The following BABAM2 variants were observed in gnomAD, a reference collection of about 807,000 sequenced individuals.
BABAM2 encodes the protein BRISC and BRCA1-A complex member 2.
A neutral mutation model predicts 54.7 loss-of-function variants in BABAM2; 31 were observed. The ratio of observed to expected loss-of-function variants is 0.57; its 90% confidence interval spans 0.43 to 0.77. The LOEUF (loss-of-function observed/expected upper bound fraction) is 0.77. Ranked by LOEUF, BABAM2 falls within the 30% of genes least tolerant of loss-of-function variation. The pLI, the probability that BABAM2 is intolerant of heterozygous loss-of-function variation, is 0.00. For missense variants in BABAM2, 364 were observed against 455.8 expected, an observed-to-expected ratio of 0.80 and a Z score of 1.83; for synonymous variants, 167 against 162.9, an observed-to-expected ratio of 1.03 and a Z score of -0.19.
chr2:27,963,363 C>T (rs1398053926), intron 3 of BABAM2, among the ~76,000 whole-genome samples: 3 of 150,248 alleles, frequency 2.0e-5, no homozygotes, highest in Non-Finnish European at 4.4e-5. Context: ...CCAGCTACTC[C>T]AGAGGCTGAG....
intron 10 of BABAM2, among the ~76,000 whole-genome samples, chr2:28,256,228 A>T (rs1344344639): frequency 6.6e-6 from 1 of 152,198 alleles, no homozygotes; most frequent in East Asian, 1.9e-4. Flanking sequence ...TAGCATATCT[A>T]ATAACCACCA....
At chr2:28,166,792 G>A (rs7580391) in intron 7 of BABAM2, among the ~76,000 whole-genome samples, 17 of 152,058 alleles carry the variant, frequency 1.1e-4, no homozygotes, top group Non-Finnish European at 1.6e-4. Context: ...ATCTCTTTTT[G>A]ATTTCTCTTA....
intron 6 of BABAM2, among the ~76,000 whole-genome samples, chr2:28,058,951 C>G (rs1322825894): frequency 6.6e-6 from 1 of 152,118 alleles, no homozygotes; most frequent in Non-Finnish European, 1.5e-5. Context: ...AAGCATTATT[C>G]GAGCCCGCCC....
intron 3 of BABAM2, among the ~76,000 whole-genome samples, chr2:27,935,598 C>T (rs1169625401): frequency 5.3e-5 from 8 of 152,202 alleles, no homozygotes; most frequent in Non-Finnish European, 8.8e-5. Flanking sequence ...GATAAAGCTT[C>T]GCCAGGGTTT....
chr2:28,153,894 T>A (rs766005100), intron 7 of BABAM2, among the ~76,000 whole-genome samples: 1 of 152,236 alleles, frequency 6.6e-6, no homozygotes, highest in Non-Finnish European at 1.5e-5. Context: ...TTTTCTGTGG[T>A]CTATCTTGAT....
chr2:28,047,277 A>G (rs1319792274), intron 6 of BABAM2, among the ~76,000 whole-genome samples: 1 of 152,218 alleles, frequency 6.6e-6, no homozygotes, highest in Non-Finnish European at 1.5e-5. Context: ...TTTGGCAATT[A>G]CTATGCTCTA....
chr2:28,044,034 C>G (rs1677354017), intron 5 of BABAM2, among the ~76,000 whole-genome samples: 1 of 152,198 alleles, frequency 6.6e-6, no homozygotes, highest in African/African-American at 2.4e-5. Flanking sequence ...TCCGCCTTGT[C>G]TGTCACAGGG....
At chr2:27,892,394 A>G (rs933826815) in intron 1 of BABAM2, 3 of 152,230 alleles carry the variant, frequency 2.0e-5, no homozygotes, top group African/African-American at 7.2e-5. Flanking sequence ...AGCAAGAGAT[A>G]AAGTAATAAT....
intron 2 of BABAM2, among the ~76,000 whole-genome samples, chr2:27,918,768 A>G (rs1427510150): frequency 6.6e-6 from 1 of 151,992 alleles, no homozygotes; most frequent in Non-Finnish European, 1.5e-5. Context: ...GGCTCACTGC[A>G]GTCTTGACCT....
chr2:28,270,127 AT>A lies in BABAM2; in HGVS notation c.934+25275del, dbSNP rs1014601550. Among the ~76,000 whole-genome samples, 45 of 150,188 alleles carry A rather than the reference AT, an allele frequency of 3.0e-4. 1 individual carries two copies. Among genetic ancestry groups the A allele is most frequent in the Admixed American group, 1.8e-3 (27 of 15,000 alleles). ...TAAGATATGGTCCCTCCCTCATGAA[AT>A]TTTTTTTTTAAGAGACAGGGTCTTG... On this transcript the variant is annotated intron_variant, in intron 10 of 11. Transcript: ENST00000379624.
intron 6 of BABAM2, among the ~76,000 whole-genome samples, chr2:28,112,146 T>TCC (rs1668114042): frequency 4.7e-4 from 5 of 10,560 alleles, no homozygotes; most frequent in African/African-American, 1.2e-3. Context: ...TCTTTCTTTC[T>TCC]TTACCTCCCT....
chr2:28,286,852 C>G (rs1451681271), intron 10 of BABAM2, among the ~76,000 whole-genome samples: 2 of 152,100 alleles, frequency 1.3e-5, no homozygotes, highest in African/African-American at 4.8e-5. Flanking sequence ...TCCCTAGAGC[C>G]GGCCATGGTA....
At chr2:28,158,001 T>G (rs541979869) in intron 7 of BABAM2, among the ~76,000 whole-genome samples, 12 of 152,186 alleles carry the variant, frequency 7.9e-5, no homozygotes, top group Non-Finnish European at 1.6e-4. Flanking sequence ...TCATGAGTAG[T>G]TATCCAAGCA....
intron 2 of BABAM2, among the ~76,000 whole-genome samples, chr2:27,912,001 A>T (rs1046002190): frequency 6.6e-6 from 1 of 152,220 alleles, no homozygotes; most frequent in Non-Finnish European, 1.5e-5. Context: ...GAAAAGAGCC[A>T]TTCTTCTGTG....
intron 6 of BABAM2, among the ~76,000 whole-genome samples, chr2:28,086,318 T>G (rs1665634660): frequency 6.6e-6 from 1 of 152,204 alleles, no homozygotes. Context: ...AAATAATTTG[T>G]CTTTGAGTTC....
chr2:28,185,866 C>T (rs1386213913), intron 7 of BABAM2, among the ~76,000 whole-genome samples: 7 of 152,010 alleles, frequency 4.6e-5, no homozygotes, highest in African/African-American at 1.2e-4. Context: ...GCCCAGGAAT[C>T]GTGCTCTTTT....
At chr2:28,054,315 T>C (rs1678227168) in intron 6 of BABAM2, among the ~76,000 whole-genome samples, 1 of 152,204 alleles carries the variant, frequency 6.6e-6, no homozygotes, top group Non-Finnish European at 1.5e-5. Flanking sequence ...CCTACCCTTT[T>C]TTTAACCTTC....
intron 6 of BABAM2, among the ~76,000 whole-genome samples, chr2:28,095,689 T>A (rs1271443210): frequency 1.3e-5 from 2 of 152,160 alleles, no homozygotes; most frequent in Non-Finnish European, 2.9e-5. Context: ...ATGAAAAGAT[T>A]TGGTACTCAG....
intron 2 of BABAM2, among the ~76,000 whole-genome samples, chr2:27,911,771 C>T (rs1223910398): frequency 6.6e-6 from 1 of 152,164 alleles, no homozygotes; most frequent in Non-Finnish European, 1.5e-5. Context: ...CTAGACTCTT[C>T]ATAACTGTTC....
Sources: allele counts gnomAD v4.1 joint callset (sites outside exome capture counted in the v4.1 genomes callset), GRCh38; gene constraint gnomAD v4.1.1; transcripts MANE v1.5; gene names NCBI Gene and HGNC (gene_info 2026-07-23, HGNC 2026-07-21).